Variants in MACF1 observed in about 807,000 individuals in gnomAD.
MACF1 encodes the protein microtubule actin crosslinking factor 1, also known as microtubule-actin cross-linking factor 1.
MACF1 carries 193 observed loss-of-function variants against 854.8 expected under a neutral mutation model. That is an observed-to-expected ratio of 0.23 (90% CI 0.20 to 0.25). The LOEUF (loss-of-function observed/expected upper bound fraction) is 0.25. Among genes scored for constraint, MACF1 ranks in the 10% least tolerant of loss-of-function variants. The pLI, the probability that MACF1 is intolerant of heterozygous loss-of-function variation, is 1.00. For missense variants in MACF1, 7,722 were observed against 8,929.1 expected, an observed-to-expected ratio of 0.86 and a Z score of 5.45; for synonymous variants, 3,185 against 3,226.7, an observed-to-expected ratio of 0.99 and a Z score of 0.44.
At chr1:39,131,278 C>T (rs1305636468) in intron 2 of MACF1, among the ~76,000 whole-genome samples, 3 of 150,918 alleles carry the variant, frequency 2.0e-5, no homozygotes, top group Admixed American at 1.3e-4. Context: ...ATCCTCCTGC[C>T]TCCATCTCCT....
chr1:39,360,796 C>G lies in MACF1; in HGVS notation c.12248C>G (p.Ser4083Cys). The G allele has an allele frequency of 6.2e-7, 1 of 1,601,282 alleles. No homozygotes were observed. The highest frequency in any genetic ancestry group is 1.7e-5 in the Admixed American group (1 of 58,538). The change falls in exon 48 of 101, where the codon TCC (serine) becomes TGC (cysteine). Residue 4083 changes from serine to cysteine, a missense_variant. By Grantham distance (112) the Ser-to-Cys change is moderately radical. Transcript: ENST00000564288. ...DHRHVQETTD[S>C]ILSHFQSLSY... ...TTTTCATGGCCTGATTTTTCAGATT[C>G]CATACTCAGCCACTTCCAAAGCCTC...
At chr1:39,239,233 A>G (rs1644893492) in intron 2 of MACF1, among the ~76,000 whole-genome samples, 1 of 152,196 alleles carries the variant, frequency 6.6e-6, no homozygotes, top group Admixed American at 6.5e-5. Flanking sequence ...GTGAGCTGAG[A>G]TCGTGCCACC....
intron 2 of MACF1, among the ~76,000 whole-genome samples, chr1:39,091,852 A>T (rs916721804): frequency 3.9e-5 from 6 of 152,322 alleles, no homozygotes; most frequent in African/African-American, 1.4e-4. Context: ...ACACTTGTTC[A>T]TAGATTCATG....
intron 52 of MACF1, among the ~76,000 whole-genome samples, chr1:39,375,792 A>G (rs1051699557): frequency 2.6e-5 from 4 of 152,254 alleles, no homozygotes; most frequent in African/African-American, 4.8e-5. Flanking sequence ...AAGTTAAATC[A>G]CTAAGAATAT....
intron 6 of MACF1, among the ~76,000 whole-genome samples, chr1:39,272,944 G>T (rs888552751): frequency 3.3e-5 from 5 of 151,934 alleles, no homozygotes; most frequent in African/African-American, 1.2e-4. Flanking sequence ...TTCTTCTCTG[G>T]CCCATTTCTT....
At chr1:39,392,607 A>G (rs1642077041) in intron 58 of MACF1, among the ~76,000 whole-genome samples, 1 of 152,196 alleles carries the variant, frequency 6.6e-6, no homozygotes, top group Admixed American at 6.5e-5. Flanking sequence ...GCTTTAACCC[A>G]GCTAACTCCA....
rs1243959585 is a variant in MACF1 at position 39,477,133 on chromosome 1, T to TACACACAC, written c.21959-2664_21959-2663insCACACACA. Among the ~76,000 whole-genome samples, 115 of 98,892 alleles carry TACACACAC rather than the reference T, an allele frequency of 1.2e-3. 2 individuals carry two copies. Among genetic ancestry groups the TACACACAC allele is most frequent in the African/African-American group, 3.3e-3 (77 of 23,096 alleles). 64.9% of individuals were successfully genotyped at this position (98,892 alleles called of 152,430 possible). ...TACACTTAGTGTATATATATATATA[T>TACACACAC]ATACACACACACACACACACAGATG... On this transcript the variant is annotated intron_variant, in intron 97 of 100. Coordinates refer to ENST00000564288, the MANE Select transcript of MACF1 (RefSeq NM_001394062.1).
intron 2 of MACF1, among the ~76,000 whole-genome samples, chr1:39,232,285 C>T (rs1367995835): frequency 6.6e-6 from 1 of 151,828 alleles, no homozygotes; most frequent in Non-Finnish European, 1.5e-5. Flanking sequence ...TAGTGCTTCT[C>T]TGGGAAAGGG....
chr1:39,102,874 G>A (rs916411968), intron 2 of MACF1: 17 of 702,362 alleles, frequency 2.4e-5, no homozygotes, highest in Admixed American at 4.0e-5. Flanking sequence ...TGAAAGAAGC[G>A]AAAAACCTCC....
At chr1:39,265,126 C>T (rs1645216197) in intron 6 of MACF1, among the ~76,000 whole-genome samples, 1 of 152,160 alleles carries the variant, frequency 6.6e-6, no homozygotes, top group African/African-American at 2.4e-5. Context: ...CTAGTGTATG[C>T]CTAGCATTTT....
At position 39,360,953 on chromosome 1, in the gene MACF1, G is replaced by A. The variant is rs751286039; in HGVS notation, c.12405G>A (p.Val4135=). 3 of 1,613,962 alleles carry A rather than the reference G, an allele frequency of 1.9e-6. No homozygotes were observed. Among genetic ancestry groups the A allele is most frequent in the Non-Finnish European group, 2.5e-6 (3 of 1,180,028 alleles). The change falls in exon 48 of 101, where the codon GTG becomes GTA. Residue 4135 remains valine (V), a synonymous_variant. Coordinates refer to ENST00000564288, the MANE Select transcript of MACF1 (RefSeq NM_001394062.1). Reference sequence around the variant, plus strand: ...AACAAAACCTGGAAGGGAAGCAGGTGTCATCACTCTCATCAGGAGTCATCC... The same window carrying A: ...AACAAAACCTGGAAGGGAAGCAGGTATCATCACTCTCATCAGGAGTCATCC... The part of the protein sequence containing the change: ...EVEQNLEGKQ[V]SSLSSGVIQE...
intron 1 of MACF1, among the ~76,000 whole-genome samples, chr1:39,223,285 T>G (rs2148293260): frequency 6.6e-6 from 1 of 152,332 alleles, no homozygotes; most frequent in Middle Eastern, 3.4e-3. Context: ...TAATGGATCT[T>G]AGCTCCCAAG....
At chr1:39,445,948 A>C (rs1192263584) in intron 80 of MACF1, among the ~76,000 whole-genome samples, 1 of 152,240 alleles carries the variant, frequency 6.6e-6, no homozygotes, top group African/African-American at 2.4e-5. Context: ...TGACATCAAT[A>C]ACCTATCTCC....
intron 58 of MACF1, among the ~76,000 whole-genome samples, chr1:39,405,938 T>G (rs901895696): frequency 6.6e-6 from 1 of 152,174 alleles, no homozygotes. Context: ...TATCAGGTAT[T>G]TATTTCAGTC....
intron 2 of MACF1, among the ~76,000 whole-genome samples, chr1:39,140,441 A>G (rs570971953): frequency 2.6e-5 from 4 of 152,248 alleles, no homozygotes; most frequent in Non-Finnish European, 5.9e-5. Flanking sequence ...CCCATAGCAC[A>G]GAGTATTGCG....
At chr1:39,413,887 A>C (rs1350411431) in intron 58 of MACF1, 1 of 1,598,090 alleles carries the variant, frequency 6.3e-7, no homozygotes, top group East Asian at 2.3e-5. Context: ...CCCTGCAGCT[A>C]TGGTGGCCAC....
intron 6 of MACF1, among the ~76,000 whole-genome samples, chr1:39,278,815 T>C (rs2148374293): frequency 6.6e-6 from 1 of 152,280 alleles, no homozygotes; most frequent in Non-Finnish European, 1.5e-5. Flanking sequence ...TGTCCTTGGC[T>C]CTGCAGCTCC....
intron 58 of MACF1, 148 bp from the exon 59 acceptor site, chr1:39,422,226 A>G: frequency 3.5e-6 from 2 of 577,140 alleles, no homozygotes; most frequent in Non-Finnish European, 6.0e-6. Context: ...TGTTTTCTTG[A>G]TGCTTCACGT....
intron 23 of MACF1, among the ~76,000 whole-genome samples, chr1:39,306,023 T>C (rs1646166819): frequency 6.6e-6 from 1 of 152,230 alleles, no homozygotes; most frequent in Non-Finnish European, 1.5e-5. Flanking sequence ...TCCATTTTGT[T>C]TACCTCTGTA....
Sources: allele counts gnomAD v4.1 joint callset (sites outside exome capture counted in the v4.1 genomes callset), GRCh38; gene constraint gnomAD v4.1.1; transcripts MANE v1.5; gene names NCBI Gene and HGNC (gene_info 2026-07-23, HGNC 2026-07-21).